PHC3: variants seen among roughly 807,000 people sequenced by gnomAD.
PHC3 encodes polyhomeotic-like protein 3.
Under a neutral mutation model 107.4 loss-of-function variants are expected in PHC3, and 13 were observed. The observed-to-expected ratio is 0.12, with a 90% CI of 0.08 to 0.19. The LOEUF (loss-of-function observed/expected upper bound fraction) is 0.19. Among genes scored for constraint, PHC3 ranks in the 10% least tolerant of loss-of-function variants. The pLI is 1.00. For missense variants in PHC3, 992 were observed against 1,210.9 expected, an observed-to-expected ratio of 0.82 and a Z score of 2.68; for synonymous variants, 456 against 427.4, an observed-to-expected ratio of 1.07 and a Z score of -0.83.
At position 170,117,344 on chromosome 3, in the gene PHC3, G is replaced by C. The variant is rs755639949; in HGVS notation, c.2075C>G (p.Ser692Cys). 7.7e-5 allele frequency: 124 copies of C among 1,613,816 alleles called. No individual in the cohort carries two copies. The highest frequency in any genetic ancestry group is 1.0e-4 in the Non-Finnish European group (120 of 1,179,872). Residue 692 changes from serine to cysteine, a missense_variant, in exon 10 of 15, where the codon TCT becomes TGT. Coordinates refer to ENST00000495893, the MANE Select transcript of PHC3 (RefSeq NM_024947.4). ...TATACTGGGAATGCTACTGTGCATA[G>C]ATGTACTGTTACTCCTTGTGGTGGC... is the stretch of plus-strand genomic sequence containing the variant. ...PAATTRSNSTSMHSSIPSIEN... is the reference protein window; with the variant it reads ...PAATTRSNSTCMHSSIPSIEN...
At chr3:170,106,795 T>TGGGA in intron 12 of PHC3, 37 bp downstream of exon 12, 1 of 1,516,494 alleles carries the variant, frequency 6.6e-7, no homozygotes, top group Non-Finnish European at 9.0e-7. Context: ...AATGGCTATT[T>TGGGA]ATCTGTCCTT....
chr3:170,123,374 C>CACACACACACACACA (rs1366842733), intron 8 of PHC3, among the ~76,000 whole-genome samples: 18 of 151,842 alleles, frequency 1.2e-4, no homozygotes, highest in Non-Finnish European at 2.2e-4. Context: ...CACACACACA[C>CACACACACACACACA]AGCCTAAGCT....
intron 8 of PHC3, chr3:170,125,943 CAA>C (rs1311592550): frequency 1.0e-6 from 1 of 965,674 alleles, no homozygotes; most frequent in African/African-American, 1.8e-5. Flanking sequence ...CTAAAAATAA[CAA>C]AGACTGCCAA....
chr3:170,151,039 C>G (rs1446926149), intron 4 of PHC3, among the ~76,000 whole-genome samples: 1 of 151,900 alleles, frequency 6.6e-6, no homozygotes, highest in Non-Finnish European at 1.5e-5. Flanking sequence ...GGTGAAATCC[C>G]ATTTCTACTA....
chr3:170,131,603 G>A (rs1357607562), intron 7 of PHC3, among the ~76,000 whole-genome samples: 1 of 152,212 alleles, frequency 6.6e-6, no homozygotes, highest in African/African-American at 2.4e-5. Context: ...TGAGGCTGAG[G>A]TGGGAGGATC....
chr3:170,126,983 G>A (rs1721419333), intron 8 of PHC3, among the ~76,000 whole-genome samples: 1 of 150,682 alleles, frequency 6.6e-6, no homozygotes, highest in Non-Finnish European at 1.5e-5. Context: ...TGCCCTGCCT[G>A]GAAACTGCCT....
chr3:170,111,300 A>AC (rs1717625415), intron 11 of PHC3, among the ~76,000 whole-genome samples: 4 of 144,980 alleles, frequency 2.8e-5, no homozygotes, highest in Admixed American at 7.0e-5. Context: ...GAAGGAAGGA[A>AC]GGAAGGAAGG....
intron 7 of PHC3, among the ~76,000 whole-genome samples, chr3:170,130,532 A>C (rs1722078857): frequency 1.3e-5 from 2 of 152,214 alleles, no homozygotes; most frequent in African/African-American, 2.4e-5. Flanking sequence ...GGCCATTCCA[A>C]ATCTAGGAAA....
intron 12 of PHC3, among the ~76,000 whole-genome samples, chr3:170,105,953 C>T (rs532089164): frequency 2.6e-5 from 4 of 152,220 alleles, no homozygotes; most frequent in Admixed American, 2.0e-4. Flanking sequence ...GGCTCACACA[C>T]GTAATCCCAG....
At chr3:170,136,956 G>A (rs980814230) in intron 6 of PHC3, among the ~76,000 whole-genome samples, 2 of 151,486 alleles carry the variant, frequency 1.3e-5, no homozygotes, top group African/African-American at 4.9e-5. Flanking sequence ...GGAGGGAAGG[G>A]GAGGAGAAGG....
At chr3:170,138,999 A>G (rs1415313364) in intron 6 of PHC3, among the ~76,000 whole-genome samples, 1 of 152,210 alleles carries the variant, frequency 6.6e-6, no homozygotes, top group Non-Finnish European at 1.5e-5. Context: ...TCCCTACTTA[A>G]GAAACATTCT....
chr3:170,109,561 T>G (rs779161763), intron 11 of PHC3, among the ~76,000 whole-genome samples: 17 of 152,192 alleles, frequency 1.1e-4, no homozygotes. Flanking sequence ...GGATCTCTAC[T>G]GAAGTGGCCA....
intron 4 of PHC3, among the ~76,000 whole-genome samples, chr3:170,165,753 C>CA (rs1201987701): frequency 0.04 from 1,627 of 40,892 alleles, 74 homozygotes; most frequent in Non-Finnish European, 0.047. Flanking sequence ...GACCTTGTCT[C>CA]AAAAAAAAAA....
chr3:170,102,897 G>A lies in PHC3; in HGVS notation c.2506C>T (p.Arg836Cys), dbSNP rs762805451. ...TGATTATCAGGCTTACGATTCCAAC[G>A]ACTAAGTGCAAATTTTTTAGAACAG... ...VSCSKKFALSRWNRKPDNQSL... is the reference protein window; with the variant it reads ...VSCSKKFALSCWNRKPDNQSL... Residue 836 changes from arginine (R) to cysteine (C), a missense_variant, in exon 13 of 15, where the codon CGT (arginine) becomes TGT (cysteine). Coordinates refer to ENST00000495893, the MANE Select transcript of PHC3 (RefSeq NM_024947.4). 14 of 1,613,244 alleles carry A rather than the reference G, an allele frequency of 8.7e-6. No homozygotes were observed. Among genetic ancestry groups the A allele is most frequent in the East Asian group, 6.7e-5 (3 of 44,852 alleles).
chr3:170,104,245 C>T (rs767370908), intron 12 of PHC3, among the ~76,000 whole-genome samples: 5 of 151,910 alleles, frequency 3.3e-5, no homozygotes, highest in Non-Finnish European at 5.9e-5. Context: ...TCAAAATCAT[C>T]CTTAGCTCAT....
chr3:170,162,724 C>T (rs953415521), intron 4 of PHC3, among the ~76,000 whole-genome samples: 1 of 152,156 alleles, frequency 6.6e-6, no homozygotes, highest in African/African-American at 2.4e-5. Context: ...ACCAGAACAG[C>T]TCTCCAACAG....
intron 4 of PHC3, chr3:170,169,621 G>A (rs953564870): frequency 6.6e-6 from 1 of 152,062 alleles, no homozygotes; most frequent in African/African-American, 2.4e-5. Context: ...TAATGCTGCT[G>A]GTTTATGACA....
At chr3:170,145,682 A>G (rs1464384421) in intron 5 of PHC3, among the ~76,000 whole-genome samples, 161 bp from the exon 6 acceptor site, 1 of 152,248 alleles carries the variant, frequency 6.6e-6, no homozygotes, top group African/African-American at 2.4e-5. Flanking sequence ...GAAGTTTCTG[A>G]TAATAGAGAA....
chr3:170,179,028 A>T, intron 1 of PHC3, 90 bp from the exon 2 acceptor site: 3 of 1,227,544 alleles, frequency 2.4e-6, no homozygotes, highest in Non-Finnish European at 3.5e-6. Context: ...ATCAGCAGTA[A>T]TCTAAACTGC....
Sources: gnomAD v4.1 joint callset for allele counts (sites outside exome capture counted in the v4.1 genomes callset) on GRCh38, gnomAD v4.1.1 for gene constraint, MANE v1.5 for transcripts, NCBI Gene and HGNC (gene_info 2026-07-23, HGNC 2026-07-21) for gene names.